Variants in CPNE5 observed in about 807,000 individuals in gnomAD.
CPNE5 encodes copine-5.
CPNE5 carries 42 observed loss-of-function variants against 81.1 expected under a neutral mutation model. The ratio of observed to expected loss-of-function variants is 0.52; its 90% CI spans 0.40 to 0.67. CPNE5 has a LOEUF of 0.67. Among genes scored for constraint, CPNE5 ranks in the 30% least tolerant of loss-of-function variants. CPNE5 has a pLI of 0.00. For missense variants in CPNE5, 612 were observed against 815.5 expected (o/e 0.75, Z 3.04); for synonymous variants, 313 against 321.5 (o/e 0.97, Z 0.28).
rs561294540 is a variant in CPNE5, at chr6:36,833,369, G to A, written c.95+5914C>T. Among the ~76,000 whole-genome samples, 3 of 152,346 alleles carry A rather than the reference G, an allele frequency of 2.0e-5. No individual in the cohort carries two copies. In the South Asian group the frequency reaches 6.2e-4, roughly 32 times the overall value. ...AAGATTCCAGTCTCGTGGCACACAC[G>A]TCTGTATAATCCCCTCCCCTTGAGA... On this transcript the variant is annotated intron_variant, in intron 1 of 20. Transcript: ENST00000244751.
chr6:36,783,639 G>A (rs1208040290), intron 8 of CPNE5, among the ~76,000 whole-genome samples: 1 of 152,110 alleles, frequency 6.6e-6, no homozygotes, highest in Non-Finnish European at 1.5e-5. Flanking sequence ...GAGAAGCTGG[G>A]ACCACAGGTG....
intron 8 of CPNE5, among the ~76,000 whole-genome samples, chr6:36,791,288 C>T (rs1471422254): frequency 6.6e-6 from 1 of 152,200 alleles, no homozygotes; most frequent in African/African-American, 2.4e-5. Context: ...GTGACTTTGC[C>T]TCTCTGAGCC....
At chr6:36,839,656 G>C (rs373299600), upstream of CPNE5, 12 of 202,658 alleles carry the variant, frequency 5.9e-5, no homozygotes, top group East Asian at 8.7e-4. The surrounding 1 kb of genome is among the most constrained non-coding windows in gnomAD (Gnocchi z 7.3). Flanking sequence ...GCACAGCGGG[G>C]AAGGCAGAGA....
Position 36,810,616 on chromosome 6 carries a change from C to T in CPNE5, c.184-10546G>A, listed in dbSNP as rs138987635. Among the ~76,000 whole-genome samples, 303 of 152,238 alleles carry T rather than the reference C, an allele frequency of 2.0e-3. 3 individuals carry two copies. The highest frequency in any genetic ancestry group is 6.9e-3 in the African/African-American group (288 of 41,528). On this transcript the variant is annotated intron_variant, in intron 3 of 20. Transcript: ENST00000244751. ...GAGGGCCTGGGGAGGCGGAGGAGCA[C>T]GGAGGATCTGGCCATGCCAGGCCTG...
Position 36,746,158 on chromosome 6 carries a change from G to A in CPNE5, c.1200+238C>T, listed in dbSNP as rs2150359903. Reference sequence around the variant, plus strand: ...TCCACCTGCACCTGCGTCTTGTCAGGAACAAGGAAGCCAGGGCCAGCTGTG... The same window carrying A: ...TCCACCTGCACCTGCGTCTTGTCAGAAACAAGGAAGCCAGGGCCAGCTGTG... On this transcript the variant is annotated intron_variant, in intron 16 of 20. Coordinates refer to ENST00000244751, the MANE Select transcript of CPNE5 (RefSeq NM_020939.2). The surrounding 1 kb of genome is among the most constrained non-coding windows in gnomAD (Gnocchi z 4.5). The A allele has an allele frequency of 1.0e-6, 1 of 985,342 alleles. No homozygotes were observed. 61.0% of individuals were successfully genotyped at this position (985,342 alleles called of 1,614,324 possible).
intron 3 of CPNE5, among the ~76,000 whole-genome samples, chr6:36,817,681 G>A (rs112059364): frequency 7.9e-5 from 12 of 152,300 alleles, no homozygotes; most frequent in African/African-American, 2.9e-4. Flanking sequence ...CAGGAAGAAA[G>A]ACTGACCCAA....
At chr6:36,816,989 G>T (rs1018473794) in intron 3 of CPNE5, among the ~76,000 whole-genome samples, 1 of 152,168 alleles carries the variant, frequency 6.6e-6, no homozygotes, top group African/African-American at 2.4e-5. Context: ...AGTCGGCTAA[G>T]CTATCCCCAG....
intron 8 of CPNE5, among the ~76,000 whole-genome samples, chr6:36,785,349 C>T (rs1413029515): frequency 2.6e-5 from 4 of 151,990 alleles, no homozygotes; most frequent in Admixed American, 6.6e-5. Context: ...CTCAAAATTT[C>T]GGTCATCAAA....
chr6:36,839,573 G>C, upstream of CPNE5: 1 of 487,712 alleles, frequency 2.1e-6, no homozygotes. This position sits in a 1 kb window ranked among gnomAD's most constrained non-coding sequence, Gnocchi z 7.3. Context: ...CGCGGATCGA[G>C]GAGGGGGCTC....
chr6:36,817,538 C>A (rs921229230), intron 3 of CPNE5, among the ~76,000 whole-genome samples: 1 of 152,142 alleles, frequency 6.6e-6, no homozygotes, highest in African/African-American at 2.4e-5. Flanking sequence ...TCCATGAACT[C>A]CCTGTATTGA....
In CPNE5 at chr6:36,746,631, G is replaced by A. The variant is rs1042698059; in HGVS notation, c.1019-54C>T. Reference sequence around the variant, plus strand: ...CCATCTGGACCCTCCAAGTCACCCCGGGTTCAGAATGAAGAAGGGGGTGTC... The same window carrying A: ...CCATCTGGACCCTCCAAGTCACCCCAGGTTCAGAATGAAGAAGGGGGTGTC... On this transcript the variant is annotated intron_variant, in intron 15 of 20. Coordinates refer to ENST00000244751, the MANE Select transcript of CPNE5 (RefSeq NM_020939.2). This position sits in a 1 kb window ranked among gnomAD's most constrained non-coding sequence, Gnocchi z 4.5. 1.8e-5 allele frequency: 27 copies of A among 1,535,066 alleles called. No individual in the cohort carries two copies. Among genetic ancestry groups the A allele is most frequent in the Admixed American group, 2.2e-5 (1 of 45,478 alleles).
intron 15 of CPNE5, among the ~76,000 whole-genome samples, chr6:36,747,258 C>T (rs573029164): frequency 6.6e-6 from 1 of 152,094 alleles, no homozygotes; most frequent in South Asian, 2.1e-4. Context: ...GATTTCCCCC[C>T]CCAGAGCCCT....
chr6:36,780,584 C>T (rs1194055251), intron 8 of CPNE5, among the ~76,000 whole-genome samples: 1 of 152,190 alleles, frequency 6.6e-6, no homozygotes, highest in East Asian at 1.9e-4. Context: ...AACAGGAGTA[C>T]AGCGCTGTGT....
intron 3 of CPNE5, among the ~76,000 whole-genome samples, chr6:36,809,792 G>C (rs918862075): frequency 6.6e-6 from 1 of 151,736 alleles, no homozygotes; most frequent in African/African-American, 2.4e-5. Context: ...CAGCCAGTGG[G>C]GCTCCCAGCG....
intron 14 of CPNE5, among the ~76,000 whole-genome samples, chr6:36,749,642 C>T (rs1764577603): frequency 1.4e-5 from 2 of 143,420 alleles, no homozygotes; most frequent in Non-Finnish European, 3.0e-5. Context: ...GCCTGAGCAA[C>T]ATAGTGAGAC....
At chr6:36,834,609 T>C (rs1234548618) in intron 1 of CPNE5, among the ~76,000 whole-genome samples, 1 of 151,656 alleles carries the variant, frequency 6.6e-6, no homozygotes, top group Non-Finnish European at 1.5e-5. Context: ...TGAGCCGAGA[T>C]TGGGCCACTG....
At chr6:36,775,128 C>G in intron 9 of CPNE5, 63 bp from the exon 10 acceptor site, 1 of 1,232,668 alleles carries the variant, frequency 8.1e-7, no homozygotes, top group Non-Finnish European at 1.2e-6. Flanking sequence ...GAATGCAGGT[C>G]AACAGAGGAG....
intron 10 of CPNE5, among the ~76,000 whole-genome samples, chr6:36,768,469 T>C (rs1766780465): frequency 6.6e-6 from 1 of 152,042 alleles, no homozygotes; most frequent in African/African-American, 2.4e-5. Flanking sequence ...TGACCTCAAG[T>C]GATCCGCCCA....
intron 8 of CPNE5, among the ~76,000 whole-genome samples, chr6:36,783,921 G>A (rs1446246906): frequency 6.6e-6 from 1 of 152,182 alleles, no homozygotes; most frequent in African/African-American, 2.4e-5. Flanking sequence ...AGACAGTCTG[G>A]CTCCAAAGAT....
Sources: allele counts gnomAD v4.1 joint callset (sites outside exome capture counted in the v4.1 genomes callset), GRCh38; gene constraint gnomAD v4.1.1; non-coding constraint Gnocchi (gnomAD v3.1); transcripts MANE v1.5; gene names NCBI Gene and HGNC (gene_info 2026-07-23, HGNC 2026-07-21).